SEMA6D: variants seen among roughly 807,000 people sequenced by gnomAD.
SEMA6D encodes the protein semaphorin 6D.
SEMA6D carries 35 observed loss-of-function variants against 106.6 expected under a neutral mutation model. The ratio of observed to expected loss-of-function variants is 0.33; its 90% CI spans 0.25 to 0.44. SEMA6D has a LOEUF of 0.44. SEMA6D is among the 20% of genes least tolerant of loss of function. SEMA6D has a pLI of 1.00. For synonymous variants in SEMA6D, 499 were observed against 487.7 expected (o/e 1.02, Z -0.31); for missense variants, 1,185 against 1,345.9 (o/e 0.88, Z 1.87).
intron 2 of SEMA6D, among the ~76,000 whole-genome samples, chr15:47,467,868 T>G (rs978483310): frequency 6.6e-6 from 1 of 152,150 alleles, no homozygotes; most frequent in Non-Finnish European, 1.5e-5. Flanking sequence ...CTCCTTCCCC[T>G]ACTAGTAATG....
chr15:47,368,870 C>T (rs190298897), intron 1 of SEMA6D, among the ~76,000 whole-genome samples: 2 of 152,280 alleles, frequency 1.3e-5, no homozygotes, highest in East Asian at 3.9e-4. Flanking sequence ...GAGATGCAGT[C>T]GTCCTTAGAG....
intron 1 of SEMA6D, among the ~76,000 whole-genome samples, chr15:47,735,577 C>A (rs1173565972): frequency 3.9e-5 from 6 of 152,150 alleles, no homozygotes; most frequent in Admixed American, 3.9e-4. Flanking sequence ...ACAAACAACT[C>A]CAAATTAACT....
At chr15:47,394,997 C>T (rs1333826730) in intron 1 of SEMA6D, among the ~76,000 whole-genome samples, 1 of 151,892 alleles carries the variant, frequency 6.6e-6, no homozygotes, top group African/African-American at 2.4e-5. Flanking sequence ...CTTAGAGATA[C>T]ATTTTTCTGA....
chr15:47,664,766 T>C (rs761924924), intron 4 of SEMA6D, among the ~76,000 whole-genome samples: 1 of 152,248 alleles, frequency 6.6e-6, no homozygotes, highest in Non-Finnish European at 1.5e-5. Context: ...GAGCATCTGA[T>C]TGCAAAGTTT....
intron 1 of SEMA6D, among the ~76,000 whole-genome samples, chr15:47,254,632 G>A (rs2033700172): frequency 1.3e-5 from 2 of 152,050 alleles, no homozygotes; most frequent in African/African-American, 4.8e-5. Flanking sequence ...AGTGAAAGAT[G>A]TTGAATTTCA....
rs144665194 is a variant in SEMA6D at position 47,292,176 on chromosome 15, C to T, written c.-239+107758C>T. On this transcript the variant is annotated intron_variant, in intron 1 of 19. Coordinates refer to the SEMA6D transcript ENST00000558014. Reference sequence around the variant, plus strand: ...CATTGAATATTGATTGAAAGGCCACCATGAACTTTGAAAGACCACTGTGTT... The same window carrying T: ...CATTGAATATTGATTGAAAGGCCACTATGAACTTTGAAAGACCACTGTGTT... 2.1e-3 allele frequency among the ~76,000 whole-genome samples: 325 copies of T among 152,224 alleles called. 2 individuals carry two copies. Among genetic ancestry groups the T allele is most frequent in the African/African-American group, 7.3e-3 (305 of 41,538 alleles).
chr15:47,609,868 C>T (rs1264534715), intron 4 of SEMA6D, among the ~76,000 whole-genome samples: 1 of 152,216 alleles, frequency 6.6e-6, no homozygotes, highest in East Asian at 1.9e-4. Context: ...CACCCTCTCC[C>T]ACTGCCTGCC....
At chr15:47,335,900 G>T (rs1047641645) in intron 1 of SEMA6D, among the ~76,000 whole-genome samples, 1 of 152,110 alleles carries the variant, frequency 6.6e-6, no homozygotes, top group Non-Finnish European at 1.5e-5. Flanking sequence ...ACCGGATGGA[G>T]CCTGTGATGT....
At chr15:47,659,502 A>G (rs1311899380) in intron 4 of SEMA6D, among the ~76,000 whole-genome samples, 2 of 152,020 alleles carry the variant, frequency 1.3e-5, no homozygotes, top group African/African-American at 4.8e-5. Context: ...AAGAATAAAT[A>G]GGATCATAAT....
chr15:47,605,294 C>T (rs1490283138), intron 4 of SEMA6D: 1 of 152,188 alleles, frequency 6.6e-6, no homozygotes, highest in African/African-American at 2.4e-5. Context: ...GTTCGCCTCT[C>T]CATAGGCCAC....
chr15:47,559,407 A>G (rs1292482776), intron 3 of SEMA6D, among the ~76,000 whole-genome samples: 1 of 152,062 alleles, frequency 6.6e-6, no homozygotes, highest in Non-Finnish European at 1.5e-5. Flanking sequence ...GAAGAATATA[A>G]GTTTGTGGTT....
intron 4 of SEMA6D, among the ~76,000 whole-genome samples, chr15:47,668,240 T>C (rs1320757962): frequency 6.6e-6 from 1 of 152,172 alleles, no homozygotes; most frequent in East Asian, 1.9e-4. Flanking sequence ...TAATCTAAAA[T>C]AATGCACACT....
At chr15:47,607,559 A>G (rs2076807711) in intron 4 of SEMA6D, among the ~76,000 whole-genome samples, 1 of 152,230 alleles carries the variant, frequency 6.6e-6, no homozygotes, top group African/African-American at 2.4e-5. Flanking sequence ...GCAAGCAGAC[A>G]GTTTGAGAAG....
upstream of SEMA6D, among the ~76,000 whole-genome samples, chr15:47,714,634 G>C (rs1448143460): frequency 6.6e-6 from 1 of 152,186 alleles, no homozygotes; most frequent in Non-Finnish European, 1.5e-5. Flanking sequence ...GTAAAGCATT[G>C]AGCCCTTTAC....
chr15:47,271,602 C>T (rs2142275446), intron 1 of SEMA6D, among the ~76,000 whole-genome samples: 1 of 152,248 alleles, frequency 6.6e-6, no homozygotes, highest in African/African-American at 2.4e-5. Flanking sequence ...GAAATAGTCT[C>T]AGAAACAACT....
intron 1 of SEMA6D, among the ~76,000 whole-genome samples, chr15:47,276,283 C>G (rs1426512719): frequency 6.6e-6 from 1 of 152,108 alleles, no homozygotes; most frequent in African/African-American, 2.4e-5. Context: ...GGTGGCTACT[C>G]TAAACAACAG....
At chr15:47,671,844 G>A (rs1010816980) in intron 4 of SEMA6D, among the ~76,000 whole-genome samples, 1 of 152,138 alleles carries the variant, frequency 6.6e-6, no homozygotes, top group Admixed American at 6.6e-5. Flanking sequence ...AATGTGAATG[G>A]CAGGGAGTAG....
intron 4 of SEMA6D, among the ~76,000 whole-genome samples, chr15:47,617,097 C>T (rs1333751425): frequency 2.0e-5 from 3 of 152,134 alleles, no homozygotes; most frequent in Non-Finnish European, 2.9e-5. Context: ...AGTTGCTTGC[C>T]AAAGTCATCA....
At chr15:47,692,877 A>AAAAG (rs2078619438) in intron 4 of SEMA6D, among the ~76,000 whole-genome samples, 1 of 152,234 alleles carries the variant, frequency 6.6e-6, no homozygotes, top group South Asian at 2.1e-4. Flanking sequence ...CAATGTTTAC[A>AAAAG]AAAGACTGAC....
Sources: allele counts gnomAD v4.1 joint callset (sites outside exome capture counted in the v4.1 genomes callset), GRCh38; gene constraint gnomAD v4.1.1; transcripts MANE v1.5; gene names NCBI Gene and HGNC (gene_info 2026-07-23, HGNC 2026-07-21).